Variants in ZBTB20 observed in about 807,000 individuals in gnomAD.
ZBTB20 encodes the protein zinc finger and BTB domain-containing protein 20.
Under a neutral mutation model 56.9 loss-of-function variants are expected in ZBTB20, and 9 were observed. The ratio of observed to expected loss-of-function variants is 0.16; its 90% CI spans 0.10 to 0.28. ZBTB20 has a LOEUF of 0.28. ZBTB20 is among the 10% of genes least tolerant of loss of function. ZBTB20 has a pLI of 1.00. For missense variants in ZBTB20, 655 were observed against 1,003.0 expected (o/e 0.65, Z 4.69); for synonymous variants, 417 against 420.7 (o/e 0.99, Z 0.11).
intron 3 of ZBTB20, among the ~76,000 whole-genome samples, chr3:114,926,080 A>T (rs72958297): frequency 0.16 from 24,734 of 152,160 alleles, 2,568 homozygotes; most frequent in African/African-American, 0.27. Context: ...TACACACAAT[A>T]TCCCATCTCT....
intron 5 of ZBTB20, among the ~76,000 whole-genome samples, chr3:114,799,966 A>G (rs958205811): frequency 3.9e-5 from 6 of 151,952 alleles, no homozygotes; most frequent in Non-Finnish European, 7.4e-5. Flanking sequence ...AACTACAGTG[A>G]AAATGGAAGC....
chr3:114,993,104 A>G (rs1366625200), intron 2 of ZBTB20, among the ~76,000 whole-genome samples: 1 of 151,956 alleles, frequency 6.6e-6, no homozygotes, highest in African/African-American at 2.4e-5. Flanking sequence ...TAGGCAGATA[A>G]TATTTTAGAC....
chr3:114,457,950 A>T (rs1035906821), intron 7 of ZBTB20, among the ~76,000 whole-genome samples: 3 of 152,196 alleles, frequency 2.0e-5, no homozygotes, highest in African/African-American at 4.8e-5. Flanking sequence ...TTTTTATTTC[A>T]TTGGAGATCA....
At chr3:114,419,124 A>C (rs1417398039) in intron 7 of ZBTB20, 1 of 152,146 alleles carries the variant, frequency 6.6e-6, no homozygotes, top group Non-Finnish European at 1.5e-5. Context: ...CCAAAGATCC[A>C]TTGTGTAATG....
chr3:114,906,056 T>C (rs1407937417), intron 3 of ZBTB20, among the ~76,000 whole-genome samples: 3 of 151,796 alleles, frequency 2.0e-5, no homozygotes. Context: ...GTGTTTATTA[T>C]CTCTTTCTTT....
intron 4 of ZBTB20, among the ~76,000 whole-genome samples, chr3:114,844,569 G>A (rs1333979282): frequency 9.0e-6 from 1 of 111,202 alleles, no homozygotes; most frequent in East Asian, 3.0e-4. Flanking sequence ...TTTCTCTTGT[G>A]TAAACATGTA....
intron 1 of ZBTB20, among the ~76,000 whole-genome samples, chr3:115,073,899 T>C (rs920618128): frequency 3.3e-5 from 5 of 152,136 alleles, no homozygotes; most frequent in Non-Finnish European, 7.4e-5. Flanking sequence ...CAAAATTTTA[T>C]GCTAAAATCT....
intron 6 of ZBTB20, among the ~76,000 whole-genome samples, chr3:114,689,874 T>C (rs951259930): frequency 1.3e-5 from 2 of 152,170 alleles, no homozygotes; most frequent in Admixed American, 6.6e-5. Context: ...GGCTAGTTCC[T>C]ACTGGTCTTT....
chr3:114,906,971 T>C (rs1336069535), intron 3 of ZBTB20, among the ~76,000 whole-genome samples: 4 of 151,772 alleles, frequency 2.6e-5, no homozygotes, highest in Non-Finnish European at 5.9e-5. Flanking sequence ...CTCATATAAA[T>C]AAAATAATTG....
chr3:115,059,885 C>G (rs2081954971), intron 2 of ZBTB20, among the ~76,000 whole-genome samples: 1 of 152,092 alleles, frequency 6.6e-6, no homozygotes, highest in Non-Finnish European at 1.5e-5. Context: ...TTTCAAGAAC[C>G]ATGTCTTTTA....
intron 2 of ZBTB20, among the ~76,000 whole-genome samples, chr3:114,988,083 T>C (rs1223214178): frequency 6.7e-6 from 1 of 149,054 alleles, no homozygotes; most frequent in Non-Finnish European, 1.5e-5. Flanking sequence ...AGTGATGGTA[T>C]CCAGTTTCTT....
chr3:114,907,904 G>T (rs375131653), intron 3 of ZBTB20, among the ~76,000 whole-genome samples: 2 of 151,740 alleles, frequency 1.3e-5, no homozygotes, highest in Non-Finnish European at 2.9e-5. Flanking sequence ...AATTATCTGC[G>T]CTAAGGAATT....
At chr3:115,099,409 G>T (rs1055821381) in intron 1 of ZBTB20, among the ~76,000 whole-genome samples, 1 of 152,056 alleles carries the variant, frequency 6.6e-6, no homozygotes, top group Non-Finnish European at 1.5e-5. Context: ...AAGAAAGTTC[G>T]CATTCTTACT....
chr3:114,340,768 A>G (rs2079699732), intron 11 of ZBTB20, among the ~76,000 whole-genome samples: 1 of 152,222 alleles, frequency 6.6e-6, no homozygotes, highest in Non-Finnish European at 1.5e-5. Context: ...CTAAAACTGA[A>G]AGCCTCTGAA....
chr3:114,972,128 C>A (rs948894646), intron 3 of ZBTB20, among the ~76,000 whole-genome samples: 1 of 152,124 alleles, frequency 6.6e-6, no homozygotes, highest in African/African-American at 2.4e-5. Context: ...CTTAGAAATT[C>A]TCATTATATT....
At chr3:114,470,774 T>C (rs1329534232) in intron 7 of ZBTB20, among the ~76,000 whole-genome samples, 2 of 152,170 alleles carry the variant, frequency 1.3e-5, no homozygotes, top group Non-Finnish European at 2.9e-5. Flanking sequence ...CTTCCTGAAA[T>C]ACTAACATCT....
At chr3:115,081,469 C>T (rs1576733130) in intron 1 of ZBTB20, among the ~76,000 whole-genome samples, 1 of 152,180 alleles carries the variant, frequency 6.6e-6, no homozygotes, top group East Asian at 1.9e-4. Context: ...GATTACAATC[C>T]TTGAATATCT....
At chr3:114,398,410 T>C (rs572817750) in intron 7 of ZBTB20, among the ~76,000 whole-genome samples, 3 of 152,174 alleles carry the variant, frequency 2.0e-5, no homozygotes, top group East Asian at 1.9e-4. Context: ...TCTGTAGCTA[T>C]TGGAATAGTT....
intron 4 of ZBTB20, among the ~76,000 whole-genome samples, chr3:114,802,598 C>T (rs1277001130): frequency 6.6e-6 from 1 of 151,872 alleles, no homozygotes; most frequent in East Asian, 1.9e-4. Flanking sequence ...CCAGGGACAA[C>T]TGAATGAGAG....
Sources: allele counts gnomAD v4.1 joint callset (sites outside exome capture counted in the v4.1 genomes callset), GRCh38; gene constraint gnomAD v4.1.1; transcripts MANE v1.5; gene names NCBI Gene and HGNC (gene_info 2026-07-23, HGNC 2026-07-21).